Variants in CRTAC1 observed in about 807,000 individuals in gnomAD.
The protein encoded by CRTAC1 is acidic secreted protein in cartilage.
Under a neutral mutation model 67.8 loss-of-function variants are expected in CRTAC1, and 37 were observed. That is an observed-to-expected ratio of 0.55 (90% CI 0.42 to 0.72). The LOEUF (loss-of-function observed/expected upper bound fraction) is 0.72. Ranked by LOEUF, CRTAC1 falls within the 30% of genes least tolerant of loss-of-function variation. CRTAC1 has a pLI of 0.00. For missense variants in CRTAC1, 780 were observed against 931.6 expected (o/e 0.84, Z 2.12); for synonymous variants, 348 against 371.0 (o/e 0.94, Z 0.71).
At chr10:97,977,689 C>T (rs182564140) in intron 2 of CRTAC1, among the ~76,000 whole-genome samples, 11 of 152,242 alleles carry the variant, frequency 7.2e-5, no homozygotes, top group African/African-American at 2.6e-4. Flanking sequence ...AGGAATTATA[C>T]GCCATTCTTG....
chr10:97,933,061 C>A (rs1021611731), intron 3 of CRTAC1, among the ~76,000 whole-genome samples: 2 of 152,234 alleles, frequency 1.3e-5, no homozygotes, highest in African/African-American at 2.4e-5. Context: ...ATGGGCACAG[C>A]CAAATGCCAT....
intron 14 of CRTAC1, among the ~76,000 whole-genome samples, chr10:97,877,972 AT>A (rs1278295618): frequency 6.6e-6 from 1 of 152,218 alleles, no homozygotes; most frequent in Non-Finnish European, 1.5e-5. Flanking sequence ...TTACCACTGC[AT>A]TTGGAACCAT....
chr10:97,936,363 G>A lies in CRTAC1; in HGVS notation c.228C>T (p.Tyr76=). The change falls in exon 3 of 15, where the codon TAC becomes TAT. Residue 76 remains tyrosine (Y), a synonymous_variant. Transcript: ENST00000370597. ...DGDFEIVVAG[Y]NGPNLVLKYD... is the part of the protein sequence containing the mutation. ...ACTTCAGAACCAGGTTGGGTCCATT[G>A]TACCTGGAGGAGGAATGGGGAGGGG... 6.2e-7 allele frequency: 1 copy of A among 1,604,136 alleles called. No individual in the cohort carries two copies. Among genetic ancestry groups the A allele is most frequent in the Non-Finnish European group, 8.5e-7 (1 of 1,172,254 alleles).
intron 13 of CRTAC1, 22 bp downstream of exon 13, chr10:97,882,764 C>G (rs1273837721): frequency 6.2e-7 from 1 of 1,613,560 alleles, no homozygotes; most frequent in Non-Finnish European, 8.5e-7. Context: ...ACCCCATGCC[C>G]TGGTGACTGA....
intron 1 of CRTAC1, among the ~76,000 whole-genome samples, chr10:98,013,586 A>C (rs963031511): frequency 6.6e-6 from 1 of 152,246 alleles, no homozygotes; most frequent in Non-Finnish European, 1.5e-5. Context: ...AACAAGTCAC[A>C]ACCTCTTTGG....
chr10:97,876,591 T>C (rs974652037), intron 14 of CRTAC1, among the ~76,000 whole-genome samples: 4 of 152,184 alleles, frequency 2.6e-5, no homozygotes, highest in African/African-American at 9.7e-5. Flanking sequence ...TCCATTTGCA[T>C]AATCCCTTCC....
At chr10:97,958,720 G>T (rs2051478881) in intron 2 of CRTAC1, among the ~76,000 whole-genome samples, 1 of 152,182 alleles carries the variant, frequency 6.6e-6, no homozygotes, top group African/African-American at 2.4e-5. Context: ...AACCAGCAAG[G>T]TTATAATGGC....
chr10:98,009,490 G>A (rs1009174596), intron 2 of CRTAC1, among the ~76,000 whole-genome samples: 6 of 152,116 alleles, frequency 3.9e-5, no homozygotes, highest in Non-Finnish European at 8.8e-5. Context: ...ACCACTAACC[G>A]CCATGACTAC....
At chr10:97,993,715 G>C (rs1241770266) in intron 2 of CRTAC1, among the ~76,000 whole-genome samples, 1 of 152,154 alleles carries the variant, frequency 6.6e-6, no homozygotes, top group East Asian at 1.9e-4. Context: ...TAAGACCCTT[G>C]CCTATTTCAT....
At chr10:97,924,854 G>C (rs2050890414) in intron 3 of CRTAC1, among the ~76,000 whole-genome samples, 1 of 152,220 alleles carries the variant, frequency 6.6e-6, no homozygotes. Context: ...GTGTGTGAGG[G>C]TGGGAAGTAT....
At chr10:98,020,427 A>T (rs1483375769) in intron 1 of CRTAC1, among the ~76,000 whole-genome samples, 1 of 152,274 alleles carries the variant, frequency 6.6e-6, no homozygotes, top group African/African-American at 2.4e-5. Flanking sequence ...TTTACAGATA[A>T]GAAAACTAAG....
At chr10:97,920,502 A>ATT (rs113130938) in intron 4 of CRTAC1, among the ~76,000 whole-genome samples, 10,933 of 151,112 alleles carry the variant, frequency 0.072, 492 homozygotes, top group African/African-American at 0.12. Context: ...TAAAACACAG[A>ATT]TTTTTTTTTT....
chr10:98,024,998 C>T (rs1467077367), intron 1 of CRTAC1, among the ~76,000 whole-genome samples: 1 of 152,068 alleles, frequency 6.6e-6, no homozygotes, highest in Non-Finnish European at 1.5e-5. Flanking sequence ...ATTTTCACAA[C>T]AACTCTGGGG....
At chr10:97,982,008 G>A (rs1304064770) in intron 2 of CRTAC1, among the ~76,000 whole-genome samples, 2 of 152,162 alleles carry the variant, frequency 1.3e-5, no homozygotes, top group Admixed American at 6.5e-5. Context: ...CCCTGTACAT[G>A]AGCTGTCCCT....
intron 1 of CRTAC1, among the ~76,000 whole-genome samples, chr10:98,011,783 A>G (rs1842914075): frequency 6.6e-6 from 1 of 152,172 alleles, no homozygotes; most frequent in African/African-American, 2.4e-5. Flanking sequence ...GAAGGAAGGA[A>G]AGGAGGGAGG....
chr10:97,996,784 T>G (rs1000178911), intron 2 of CRTAC1, among the ~76,000 whole-genome samples: 2 of 152,066 alleles, frequency 1.3e-5, no homozygotes, highest in Admixed American at 1.3e-4. Context: ...CACATGCACA[T>G]GTATGTTTAT....
At chr10:97,893,637 T>C (rs2050409896) in intron 11 of CRTAC1, among the ~76,000 whole-genome samples, 1 of 152,152 alleles carries the variant, frequency 6.6e-6, no homozygotes, top group South Asian at 2.1e-4. Context: ...CTCTGCGCCC[T>C]TCACCCAGTT....
intron 2 of CRTAC1, among the ~76,000 whole-genome samples, chr10:97,962,918 T>G (rs2051551793): frequency 6.6e-6 from 1 of 151,622 alleles, no homozygotes; most frequent in South Asian, 2.1e-4. Context: ...AAAACAAAAC[T>G]TCTTCTCTGA....
In CRTAC1 at chr10:98,029,761, C is replaced by T. The variant is rs1843324705; in HGVS notation, c.24+688G>A. Among the ~76,000 whole-genome samples the T allele has an allele frequency of 6.7e-6, 1 of 149,838 alleles. No individual in the cohort carries two copies. The highest frequency in any genetic ancestry group is 1.5e-5 in the Non-Finnish European group (1 of 66,472). On this transcript the variant is annotated intron_variant, in intron 1 of 14. Coordinates refer to ENST00000370597, the MANE Select transcript of CRTAC1 (RefSeq NM_018058.7). This position sits in a 1 kb window ranked among gnomAD's most constrained non-coding sequence, Gnocchi z 4.7. ...GCCCGGCCTGGCTGCCCCATCAAAGCCTCCAAGTGCCCCCACGGGGTCGAG... is the reference window on the plus strand; with the variant it reads ...GCCCGGCCTGGCTGCCCCATCAAAGTCTCCAAGTGCCCCCACGGGGTCGAG...
Sources: allele counts gnomAD v4.1 joint callset (sites outside exome capture counted in the v4.1 genomes callset), GRCh38; gene constraint gnomAD v4.1.1; non-coding constraint Gnocchi (gnomAD v3.1); transcripts MANE v1.5; gene names NCBI Gene and HGNC (gene_info 2026-07-23, HGNC 2026-07-21).